LPP: variants seen among roughly 807,000 people sequenced by gnomAD.
LPP encodes LIM domain containing preferred translocation partner in lipoma.
LPP carries 38 observed loss-of-function variants against 60.4 expected under a neutral mutation model. The observed-to-expected ratio is 0.63, with a 90% CI of 0.49 to 0.83. The LOEUF (loss-of-function observed/expected upper bound fraction) is 0.83. Among genes scored for constraint, LPP ranks in the 40% least tolerant of loss-of-function variants. The probability of loss-of-function intolerance (pLI) is 0.00; values close to 1 mark genes in which losing one functional copy is unlikely to be tolerated. For synonymous variants in LPP, 328 were observed against 290.8 expected (o/e 1.13, Z -1.30); for missense variants, 902 against 783.6 (o/e 1.15, Z -1.80).
chr3:188,222,214 AT>A (rs555792348), intron 1 of LPP, among the ~76,000 whole-genome samples: 1 of 152,048 alleles, frequency 6.6e-6, no homozygotes, highest in South Asian at 2.1e-4. Context: ...ATTTTTATGA[AT>A]TTTTTTTCAA....
chr3:188,817,392 T>G (rs771393891), intron 9 of LPP, among the ~76,000 whole-genome samples: 4 of 152,230 alleles, frequency 2.6e-5, no homozygotes, highest in Non-Finnish European at 5.9e-5. Context: ...TGAGCCAGTG[T>G]ATAGCTCTGA....
intron 2 of LPP, among the ~76,000 whole-genome samples, chr3:188,311,177 T>C (rs1405125376): frequency 6.7e-6 from 1 of 150,064 alleles, no homozygotes; most frequent in Non-Finnish European, 1.5e-5. Context: ...ATTTTCTAAT[T>C]ATTTTATATG....
intron 8 of LPP, chr3:188,711,599 G>T (rs1315163181): frequency 6.6e-6 from 1 of 151,924 alleles, no homozygotes; most frequent in Non-Finnish European, 1.5e-5. Flanking sequence ...TTGAGGCCAG[G>T]ATTATTTAAA....
chr3:188,800,246 CTTTTT>C (rs33982362), intron 9 of LPP, among the ~76,000 whole-genome samples: 1 of 97,310 alleles, frequency 1.0e-5, no homozygotes, highest in African/African-American at 4.1e-5. Context: ...TTGAAGCTTT[CTTTTT>C]TTTTTTTTTT....
In LPP at chr3:188,811,384, ACG is replaced by A. The variant is rs1491336938; in HGVS notation, c.1410+51104_1410+51105del. Reference sequence around the variant, plus strand: ...CACACACACACACACACACACACACACGCACACACGCTCAAAGAGTAGGGAGA... The same window carrying A: ...CACACACACACACACACACACACACACACACACGCTCAAAGAGTAGGGAGA... On this transcript the variant is annotated intron_variant, in intron 9 of 11. Transcript: ENST00000617246. Among the ~76,000 whole-genome samples the A allele has an allele frequency of 7.8e-4, 117 of 150,154 alleles. 1 individual carries two copies. The highest frequency in any genetic ancestry group is 7.0e-3 in the Middle Eastern group (2 of 286).
At chr3:188,616,296 C>T (rs1285303099) in intron 7 of LPP, among the ~76,000 whole-genome samples, 3 of 152,154 alleles carry the variant, frequency 2.0e-5, no homozygotes, top group Non-Finnish European at 4.4e-5. Flanking sequence ...TTTTAGTTTT[C>T]TGCATACAGC....
chr3:188,449,406 T>C (rs900938796), intron 4 of LPP, among the ~76,000 whole-genome samples: 6 of 152,222 alleles, frequency 3.9e-5, no homozygotes, highest in Admixed American at 3.3e-4. Flanking sequence ...TTTAGAAATA[T>C]ATACTATTGT....
At chr3:188,183,891 T>A (rs1173130000) in intron 1 of LPP, among the ~76,000 whole-genome samples, 4 of 152,136 alleles carry the variant, frequency 2.6e-5, no homozygotes, top group Admixed American at 1.3e-4. Flanking sequence ...TTATACCTTC[T>A]AACCTGCCAC....
chr3:188,741,294 A>C (rs1471286672), intron 8 of LPP, among the ~76,000 whole-genome samples: 1 of 151,692 alleles, frequency 6.6e-6, no homozygotes, highest in South Asian at 2.1e-4. Context: ...CTGTCTTTGT[A>C]TCTATCCTTG....
chr3:188,280,321 G>A (rs1366554674), intron 2 of LPP, among the ~76,000 whole-genome samples: 3 of 152,160 alleles, frequency 2.0e-5, no homozygotes, highest in South Asian at 2.1e-4. Context: ...ATGAAGGGTG[G>A]AATCGACATC....
intron 3 of LPP, among the ~76,000 whole-genome samples, chr3:188,356,132 C>T (rs1767543533): frequency 6.6e-6 from 1 of 152,154 alleles, no homozygotes; most frequent in Non-Finnish European, 1.5e-5. Flanking sequence ...TATCAGATGT[C>T]CTTATTTGCT....
At chr3:188,502,253 A>G (rs1004450360) in intron 5 of LPP, among the ~76,000 whole-genome samples, 2 of 152,058 alleles carry the variant, frequency 1.3e-5, no homozygotes, top group African/African-American at 2.4e-5. Context: ...TCTTCCTTCA[A>G]TTCTGGTAAT....
intron 9 of LPP, among the ~76,000 whole-genome samples, chr3:188,804,194 T>G (rs1391958225): frequency 1.5e-5 from 2 of 135,632 alleles, no homozygotes; most frequent in Non-Finnish European, 3.1e-5. Flanking sequence ...TTTTTTTTAT[T>G]CGGGGGGAGG....
intron 7 of LPP, among the ~76,000 whole-genome samples, chr3:188,691,339 T>G (rs183943547): frequency 5.3e-5 from 8 of 152,292 alleles, no homozygotes; most frequent in African/African-American, 1.9e-4. Context: ...GTGCCTTGAG[T>G]GCTCTACTTA....
At chr3:188,234,001 G>A (rs1275555181) in intron 2 of LPP, among the ~76,000 whole-genome samples, 1 of 151,980 alleles carries the variant, frequency 6.6e-6, no homozygotes, top group Non-Finnish European at 1.5e-5. Context: ...TCTGCTAAAG[G>A]CATACTTCAC....
At chr3:188,685,219 A>G (rs1179813712) in intron 7 of LPP, among the ~76,000 whole-genome samples, 1 of 152,156 alleles carries the variant, frequency 6.6e-6, no homozygotes, top group Admixed American at 6.5e-5. Flanking sequence ...TGAGAGAAGG[A>G]GGACATTGTT....
chr3:188,327,786 G>A (rs1758856302), intron 2 of LPP, among the ~76,000 whole-genome samples: 1 of 152,124 alleles, frequency 6.6e-6, no homozygotes, highest in Admixed American at 6.6e-5. Flanking sequence ...ATTAGTGCTA[G>A]GGAGAGAGGG....
chr3:188,444,451 A>T (rs567854550), intron 4 of LPP, among the ~76,000 whole-genome samples: 13 of 152,332 alleles, frequency 8.5e-5, no homozygotes, highest in Admixed American at 3.3e-4. Context: ...TACATTTGTT[A>T]TACTTGAACT....
intron 3 of LPP, among the ~76,000 whole-genome samples, chr3:188,371,641 A>ATATATATATATATATAT (rs1553878071): frequency 9.3e-5 from 3 of 32,174 alleles, no homozygotes; most frequent in Admixed American, 6.4e-4. Flanking sequence ...ATATATATAT[A>ATATATATATATATATAT]TTTTTTTTTT....
Sources: allele counts gnomAD v4.1 joint callset (sites outside exome capture counted in the v4.1 genomes callset), GRCh38; gene constraint gnomAD v4.1.1; transcripts MANE v1.5; gene names NCBI Gene and HGNC (gene_info 2026-07-23, HGNC 2026-07-21).